The following SLC8A1 variants were observed in gnomAD, a reference collection of about 807,000 sequenced individuals.
SLC8A1 encodes sodium/calcium exchanger 1.
In SLC8A1, 18 loss-of-function variants were observed where a neutral mutation model predicts 68.3. The ratio of observed to expected loss-of-function variants is 0.26; its 90% confidence interval spans 0.18 to 0.39. SLC8A1 has a LOEUF of 0.39. SLC8A1 is among the 10% of genes least tolerant of loss of function. The pLI is 1.00. For missense variants in SLC8A1, 985 were observed against 1,156.7 expected, an observed-to-expected ratio of 0.85 and a Z score of 2.15; for synonymous variants, 475 against 415.5, an observed-to-expected ratio of 1.14 and a Z score of -1.74.
intron 2 of SLC8A1, among the ~76,000 whole-genome samples, chr2:40,394,722 T>C (rs1239552857): frequency 1.3e-5 from 2 of 152,094 alleles, no homozygotes; most frequent in East Asian, 3.9e-4. Context: ...ATCACTGATT[T>C]AGCACAACGT....
At chr2:40,138,588 T>C (rs980947858) in intron 7 of SLC8A1, among the ~76,000 whole-genome samples, 3 of 152,196 alleles carry the variant, frequency 2.0e-5, no homozygotes, top group Non-Finnish European at 4.4e-5. Context: ...CCAGAGTCAC[T>C]TGTGAGCTTT....
intron 1 of SLC8A1, among the ~76,000 whole-genome samples, chr2:40,432,945 G>C (rs1698658868): frequency 6.6e-6 from 1 of 152,062 alleles, no homozygotes; most frequent in Non-Finnish European, 1.5e-5. Context: ...ATTTAAAATG[G>C]TGAAAGAAAT....
At chr2:40,369,884 A>AT (rs1392382929) in intron 2 of SLC8A1, among the ~76,000 whole-genome samples, 3 of 67,238 alleles carry the variant, frequency 4.5e-5, no homozygotes, top group African/African-American at 1.9e-4. Context: ...AACCAAAAAA[A>AT]TAAAAAAACT....
chr2:40,433,930 C>T (rs551389005), intron 1 of SLC8A1, among the ~76,000 whole-genome samples: 9 of 152,250 alleles, frequency 5.9e-5, no homozygotes, highest in Non-Finnish European at 1.3e-4. Context: ...ATGCATTAGA[C>T]TCAAACAGAC....
At chr2:40,125,991 G>T (rs942734024) in intron 7 of SLC8A1, among the ~76,000 whole-genome samples, 2 of 152,236 alleles carry the variant, frequency 1.3e-5, no homozygotes, top group African/African-American at 4.8e-5. Context: ...TGAGGAGGAA[G>T]ATGGGTGGGA....
rs547031458 is a variant in SLC8A1, at chr2:40,362,672, A to G, written c.1808+65801T>C. Among the ~76,000 whole-genome samples, 7 of 152,294 alleles carry G rather than the reference A, an allele frequency of 4.6e-5. No homozygotes were observed. The South Asian group carries it at 6.2e-4, about 14-fold the overall frequency. ...CAAAATGTTGTTGCCTTGGGTGGGT[A>G]TAATATTCCAAAATTGGGAATAAAT... On this transcript the variant is annotated intron_variant, in intron 2 of 7. Transcript: ENST00000406785.
At chr2:40,184,158 C>T (rs1197761292) in intron 2 of SLC8A1, among the ~76,000 whole-genome samples, 5 of 152,076 alleles carry the variant, frequency 3.3e-5, no homozygotes, top group African/African-American at 1.2e-4. Flanking sequence ...AACTGCGAGA[C>T]AGAGTGAGAC....
chr2:40,378,281 G>C (rs916311715), intron 2 of SLC8A1, among the ~76,000 whole-genome samples: 1 of 152,138 alleles, frequency 6.6e-6, no homozygotes, highest in Non-Finnish European at 1.5e-5. Flanking sequence ...GCAGAAAAGT[G>C]CCATCTGAGT....
chr2:40,233,197 T>G (rs1240418311), intron 2 of SLC8A1, among the ~76,000 whole-genome samples: 1 of 152,142 alleles, frequency 6.6e-6, no homozygotes, highest in Non-Finnish European at 1.5e-5. Context: ...ATGGTTGAAC[T>G]AGTTTACAGT....
intron 2 of SLC8A1, among the ~76,000 whole-genome samples, chr2:40,277,959 A>C (rs1228730303): frequency 2.0e-5 from 3 of 151,874 alleles, no homozygotes; most frequent in Non-Finnish European, 4.4e-5. Context: ...CATTTTACAT[A>C]CAGAGAAACC....
intron 3 of SLC8A1, among the ~76,000 whole-genome samples, chr2:40,177,307 A>T (rs1411552729): frequency 6.6e-6 from 1 of 152,170 alleles, no homozygotes; most frequent in African/African-American, 2.4e-5. Flanking sequence ...GTTAGTTGCC[A>T]TTAGGGTCAT....
At chr2:40,334,758 T>C (rs1401729018) in intron 2 of SLC8A1, among the ~76,000 whole-genome samples, 5 of 152,168 alleles carry the variant, frequency 3.3e-5, no homozygotes, top group East Asian at 1.9e-4. Context: ...AATACCATAA[T>C]AGCAAAGCAA....
intron 2 of SLC8A1, among the ~76,000 whole-genome samples, chr2:40,290,740 T>A (rs978839694): frequency 2.6e-5 from 4 of 152,184 alleles, no homozygotes; most frequent in African/African-American, 4.8e-5. Context: ...ACTACAGCTA[T>A]AATAATGAGT....
At chr2:40,277,485 A>T (rs2066875397) in intron 2 of SLC8A1, among the ~76,000 whole-genome samples, 1 of 152,098 alleles carries the variant, frequency 6.6e-6, no homozygotes, top group Non-Finnish European at 1.5e-5. Context: ...GGTTGCAGTG[A>T]GCTGAGATAC....
intron 2 of SLC8A1, among the ~76,000 whole-genome samples, chr2:40,288,903 T>C (rs1396836135): frequency 2.0e-5 from 3 of 149,610 alleles, no homozygotes; most frequent in Non-Finnish European, 4.4e-5. Context: ...TCTCATAATG[T>C]TGCCTGGGCT....
In SLC8A1 at chr2:40,345,896, C is replaced by T. The variant is rs1176098295; in HGVS notation, c.1808+82577G>A. On this transcript the variant is annotated intron_variant, in intron 2 of 7. Transcript: ENST00000406785. ...CATTAGGACAAATACCTAATGCACG[C>T]GGAGCTTAAAACCTAAATTACAGGT... 4.0e-5 allele frequency among the ~76,000 whole-genome samples: 6 copies of T among 151,740 alleles called. No homozygotes were observed. The East Asian group carries it at 7.8e-4, about 20-fold the overall frequency.
upstream of SLC8A1, among the ~76,000 whole-genome samples, chr2:40,456,437 A>C (rs570400262): frequency 3.3e-5 from 5 of 152,310 alleles, no homozygotes; most frequent in South Asian, 1.0e-3. Flanking sequence ...AACTTTATCA[A>C]TGGTAACTCA....
At chr2:40,387,335 G>C (rs995885960) in intron 2 of SLC8A1, among the ~76,000 whole-genome samples, 8 of 151,438 alleles carry the variant, frequency 5.3e-5, no homozygotes, top group Non-Finnish European at 1.2e-4. Flanking sequence ...GAGAAGCAAA[G>C]GAGATAACAA....
At chr2:40,475,822 G>A (rs1314699016) in intron 1 of SLC8A1, among the ~76,000 whole-genome samples, 1 of 151,654 alleles carries the variant, frequency 6.6e-6, no homozygotes, top group Non-Finnish European at 1.5e-5. Context: ...TAAACCCTAG[G>A]GCATTCTCTT....
Sources: gnomAD v4.1 joint callset for allele counts (sites outside exome capture counted in the v4.1 genomes callset) on GRCh38, gnomAD v4.1.1 for gene constraint, MANE v1.5 for transcripts, NCBI Gene and HGNC (gene_info 2026-07-23, HGNC 2026-07-21) for gene names.